Variants in ZNF385B observed in about 807,000 individuals in gnomAD.
The protein encoded by ZNF385B is zinc finger protein 385B.
Under a neutral mutation model 39.2 loss-of-function variants are expected in ZNF385B, and 23 were observed. That is an observed-to-expected ratio of 0.59 (90% CI 0.42 to 0.83). The LOEUF (loss-of-function observed/expected upper bound fraction) is 0.83, where lower values mean the gene tolerates loss of function less well. Among genes scored for constraint, ZNF385B ranks in the 40% least tolerant of loss-of-function variants. The pLI is 0.00. For missense variants in ZNF385B, 552 were observed against 598.9 expected, an observed-to-expected ratio of 0.92 and a Z score of 0.82; for synonymous variants, 205 against 222.6, an observed-to-expected ratio of 0.92 and a Z score of 0.70.
intron 3 of ZNF385B, among the ~76,000 whole-genome samples, chr2:179,726,287 A>T (rs934191909): frequency 2.0e-5 from 3 of 152,016 alleles, no homozygotes; most frequent in Admixed American, 2.0e-4. Flanking sequence ...GCCTCTTTTT[A>T]TCTTCTTAAT....
intron 3 of ZNF385B, among the ~76,000 whole-genome samples, chr2:179,767,276 A>G (rs997121482): frequency 4.6e-5 from 7 of 152,158 alleles, no homozygotes; most frequent in Admixed American, 6.5e-5. Context: ...AGTAGTCATC[A>G]ATTAAGAACA....
chr2:179,508,038 C>G (rs565517119), intron 5 of ZNF385B, among the ~76,000 whole-genome samples: 3 of 152,280 alleles, frequency 2.0e-5, no homozygotes, highest in Admixed American at 2.0e-4. Context: ...GCAGAATGTT[C>G]TAAACGGTAT....
chr2:179,757,405 G>T (rs1703106213), intron 3 of ZNF385B, among the ~76,000 whole-genome samples: 1 of 151,002 alleles, frequency 6.6e-6, no homozygotes, highest in Admixed American at 6.6e-5. Context: ...GGCTACTCGG[G>T]GTCAGGGACC....
At chr2:179,670,019 C>T (rs1191214471) in intron 3 of ZNF385B, among the ~76,000 whole-genome samples, 1 of 152,000 alleles carries the variant, frequency 6.6e-6, no homozygotes, top group Non-Finnish European at 1.5e-5. Flanking sequence ...TGGCCGGGCG[C>T]GGTGGCTCAC....
At chr2:179,659,342 A>G (rs1248755032) in intron 3 of ZNF385B, among the ~76,000 whole-genome samples, 3 of 152,172 alleles carry the variant, frequency 2.0e-5, no homozygotes, top group African/African-American at 7.2e-5. Flanking sequence ...ATTTTACAAT[A>G]TTAACTTGAT....
chr2:179,701,081 T>C (rs1238537823), intron 3 of ZNF385B, among the ~76,000 whole-genome samples: 2 of 152,188 alleles, frequency 1.3e-5, no homozygotes, highest in African/African-American at 4.8e-5. Context: ...TCATGTTTAT[T>C]TTTCAGAACT....
chr2:179,848,502 T>C (rs1392378135), intron 1 of ZNF385B, among the ~76,000 whole-genome samples: 1 of 152,216 alleles, frequency 6.6e-6, no homozygotes, highest in Non-Finnish European at 1.5e-5. Flanking sequence ...TAAATTTTTA[T>C]AAGGTGTCTA....
At chr2:179,835,145 T>C (rs1025824622) in intron 1 of ZNF385B, among the ~76,000 whole-genome samples, 2 of 152,224 alleles carry the variant, frequency 1.3e-5, no homozygotes, top group African/African-American at 2.4e-5. Context: ...TTCCTGGACA[T>C]GACCGGATAC....
intron 3 of ZNF385B, among the ~76,000 whole-genome samples, chr2:179,647,819 T>G (rs1469968828): frequency 6.6e-6 from 1 of 152,196 alleles, no homozygotes. Flanking sequence ...TTATTCCTCC[T>G]TTATCATTAT....
At chr2:179,826,362 T>A (rs1451051811) in intron 1 of ZNF385B, among the ~76,000 whole-genome samples, 1 of 152,030 alleles carries the variant, frequency 6.6e-6, no homozygotes, top group Non-Finnish European at 1.5e-5. Context: ...CCCTCACGGG[T>A]TTTCTTCAGG....
chr2:179,508,948 CTTT>C (rs370767751), intron 5 of ZNF385B, among the ~76,000 whole-genome samples: 2 of 138,762 alleles, frequency 1.4e-5, no homozygotes, highest in Middle Eastern at 3.6e-3. Flanking sequence ...ATCATAATCA[CTTT>C]TTTTTTTTTT....
chr2:179,665,564 T>C (rs901046063), intron 3 of ZNF385B, among the ~76,000 whole-genome samples: 1 of 152,244 alleles, frequency 6.6e-6, no homozygotes, highest in Admixed American at 6.5e-5. Context: ...ATTTATTCTC[T>C]ATCAGTGTCA....
chr2:179,629,220 G>C (rs1575029060), intron 3 of ZNF385B, among the ~76,000 whole-genome samples: 1 of 152,244 alleles, frequency 6.6e-6, no homozygotes, highest in East Asian at 1.9e-4. Flanking sequence ...TTATGTCTAG[G>C]AGAAATTCTC....
At position 179,792,670 on chromosome 2, in the gene ZNF385B, C is replaced by T. The variant is rs539304358; in HGVS notation, c.-154-21998G>A. Among the ~76,000 whole-genome samples the T allele has an allele frequency of 3.2e-3, 489 of 152,158 alleles. 7 individuals carry two copies. Among genetic ancestry groups the T allele is most frequent in the Non-Finnish European group, 2.3e-3 (156 of 67,990 alleles). On this transcript the variant is annotated intron_variant, in intron 1 of 9. Transcript: ENST00000410066. The stretch of plus-strand genomic sequence containing the variant: ...GATTACAGGCGTGAGCCACCACGCC[C>T]GGCCCATTTCCTTTTTACATAAGAG...
intron 3 of ZNF385B, among the ~76,000 whole-genome samples, chr2:179,672,199 G>C (rs1004281597): frequency 3.5e-4 from 53 of 152,290 alleles, no homozygotes; most frequent in African/African-American, 1.2e-3. Context: ...TTCTCACTCA[G>C]AATTTATCAC....
chr2:179,671,786 G>A lies in ZNF385B; in HGVS notation c.298+97717C>T, dbSNP rs183143193. Among the ~76,000 whole-genome samples the A allele has an allele frequency of 6.6e-5, 10 of 152,326 alleles. No homozygotes were observed. In the East Asian group the frequency reaches 1.9e-3, roughly 29 times the overall value. On this transcript the variant is annotated intron_variant, in intron 3 of 9. Transcript: ENST00000410066. ...AGCTGCCCCAGATGTAGCATGCACT[G>A]CAGCCAGCAAAGCAGTGGGGGTGTG...
chr2:179,694,238 G>A (rs1241005557), intron 3 of ZNF385B, among the ~76,000 whole-genome samples: 2 of 152,102 alleles, frequency 1.3e-5, no homozygotes, highest in East Asian at 1.9e-4. Context: ...CTTCAATACT[G>A]TAATTCATTC....
chr2:179,782,370 C>T (rs1704720265), intron 1 of ZNF385B, among the ~76,000 whole-genome samples: 1 of 152,096 alleles, frequency 6.6e-6, no homozygotes, highest in African/African-American at 2.4e-5. Flanking sequence ...AAACCCACAG[C>T]AACATTTTAC....
intron 6 of ZNF385B, among the ~76,000 whole-genome samples, chr2:179,471,476 G>A (rs1249068340): frequency 1.3e-5 from 2 of 152,044 alleles, no homozygotes; most frequent in African/African-American, 4.8e-5. Flanking sequence ...TTTCTCAATG[G>A]AAATTTAGCA....
Sources: allele counts gnomAD v4.1 joint callset (sites outside exome capture counted in the v4.1 genomes callset), GRCh38; gene constraint gnomAD v4.1.1; transcripts MANE v1.5; gene names NCBI Gene and HGNC (gene_info 2026-07-23, HGNC 2026-07-21).